The following ANKMY1 variants were observed in gnomAD, a reference collection of about 807,000 sequenced individuals.
ANKMY1 encodes ankyrin repeat and MYND domain-containing protein 1.
In ANKMY1, 98 loss-of-function variants were observed where a neutral mutation model predicts 102.0. That is an observed-to-expected ratio of 0.96 (90% CI 0.82 to 1.14). The LOEUF (loss-of-function observed/expected upper bound fraction) is 1.14. Ranked by LOEUF, ANKMY1 falls within the 50% of genes most tolerant of loss-of-function variation. The pLI, the probability that ANKMY1 is intolerant of heterozygous loss-of-function variation, is 0.00. For missense variants in ANKMY1, 1,330 were observed against 1,347.6 expected (o/e 0.99, Z 0.20); for synonymous variants, 582 against 559.9 (o/e 1.04, Z -0.56).
At chr2:240,513,797 A>T (rs986126270) in intron 9 of ANKMY1, among the ~76,000 whole-genome samples, 3 of 152,264 alleles carry the variant, frequency 2.0e-5, no homozygotes, top group African/African-American at 7.2e-5. Context: ...ACCTCCACAC[A>T]GCCCAACACC....
intron 12 of ANKMY1, 80 bp downstream of exon 12, chr2:240,509,268 C>T: frequency 8.4e-7 from 1 of 1,195,594 alleles, no homozygotes; most frequent in South Asian, 1.5e-5. Context: ...AACTTCAAAT[C>T]CCAATGACGG....
At chr2:240,501,718 C>A (rs747184524) in intron 13 of ANKMY1, among the ~76,000 whole-genome samples, 3 of 152,222 alleles carry the variant, frequency 2.0e-5, no homozygotes, top group African/African-American at 4.8e-5. Context: ...AGGCACAGTG[C>A]GGGACGGTGG....
At chr2:240,552,602 C>A in intron 4 of ANKMY1, 1 of 357,364 alleles carries the variant, frequency 2.8e-6, no homozygotes, top group Non-Finnish European at 5.3e-6. Context: ...GCATGTTCTC[C>A]ATTTAAAAAG....
chr2:240,473,210 T>C, the ANKMY1 span, among the ~76,000 whole-genome samples: 1 of 147,482 alleles, frequency 6.8e-6, no homozygotes, highest in African/African-American at 2.5e-5. Flanking sequence ...ATCTATAAAT[T>C]GCCTGACAAT....
upstream of ANKMY1, chr2:240,558,515 A>G (rs766372387): frequency 2.0e-5 from 3 of 152,382 alleles, no homozygotes; most frequent in Non-Finnish European, 4.4e-5. Context: ...CGGATTCTTG[A>G]TGGGGCTTCA....
intron 4 of ANKMY1, among the ~76,000 whole-genome samples, chr2:240,544,550 T>G (rs561455245): frequency 6.6e-6 from 1 of 152,260 alleles, no homozygotes; most frequent in Admixed American, 6.5e-5. Context: ...GCTCCGAGCA[T>G]AAGCGACGCA....
chr2:240,484,636 G>C (rs2075830121), intron 15 of ANKMY1, among the ~76,000 whole-genome samples: 1 of 152,170 alleles, frequency 6.6e-6, no homozygotes, highest in Non-Finnish European at 1.5e-5. Flanking sequence ...TCAGGACATA[G>C]GCATAGGCAA....
chr2:240,560,701 C>A (rs774218472), upstream of ANKMY1: 10 of 1,528,972 alleles, frequency 6.5e-6, 1 homozygote, highest in Admixed American at 2.1e-4. Context: ...CCGGCAGAAG[C>A]TGGGCGCCGC....
intron 3 of ANKMY1, chr2:240,553,367 T>C (rs2091863432): frequency 8.6e-6 from 3 of 348,926 alleles, no homozygotes; most frequent in Non-Finnish European, 1.1e-5. Flanking sequence ...CTGGTGACCT[T>C]GATCTTAGGT....
At position 240,499,423 on chromosome 2, in the gene ANKMY1, G is replaced by A. The variant is rs2077771908; in HGVS notation, c.2806+535C>T. ...TGGGGGTGGGGGTGACCAGGTGGGT[G>A]GGAGGTGGGTATGTGGGAGTGACTA... is the stretch of plus-strand genomic sequence containing the variant. On this transcript the variant is annotated intron_variant, in intron 15 of 17. Coordinates refer to ENST00000401804, the MANE Select transcript of ANKMY1 (RefSeq NM_001282771.3). The surrounding 1 kb of genome is among the most constrained non-coding windows in gnomAD (Gnocchi z 4.2). Among the ~76,000 whole-genome samples, 1 of 150,192 alleles carries A rather than the reference G, an allele frequency of 6.7e-6. No homozygotes were observed. The highest frequency in any genetic ancestry group is 2.5e-5 in the African/African-American group (1 of 40,686).
chr2:240,489,442 G>A (rs980030980), intron 15 of ANKMY1, among the ~76,000 whole-genome samples: 3 of 148,862 alleles, frequency 2.0e-5, no homozygotes, highest in African/African-American at 5.0e-5. Context: ...GGGCAACAGA[G>A]CAAGACTCTA....
chr2:240,521,167 C>T (rs1272097094), intron 8 of ANKMY1, among the ~76,000 whole-genome samples: 1 of 152,104 alleles, frequency 6.6e-6, no homozygotes, highest in Admixed American at 6.5e-5. Flanking sequence ...CAGATGGCAG[C>T]GGGAATGACC....
At chr2:240,549,689 TC>T (rs2091151452) in intron 4 of ANKMY1, among the ~76,000 whole-genome samples, 1 of 151,930 alleles carries the variant, frequency 6.6e-6, no homozygotes, top group Non-Finnish European at 1.5e-5. Context: ...AACAACCCCA[TC>T]AAAAAGTGGG....
Position 240,507,577 on chromosome 2 carries a change from C to T in ANKMY1, c.2509G>A (p.Asp837Asn), listed in dbSNP as rs749278929. ...DLTYEHQRNM[D>N]SKLALIDRLI... ...CCCCTCACCAGGGCCAGCTTGCTGT[C>T]CATGTTCCTCTGGTGCTCGTAGGTC... The change falls in exon 13 of 18, where the codon GAC becomes AAC. Residue 837 changes from aspartate to asparagine, a missense_variant. Transcript: ENST00000401804. 1 of 1,609,738 alleles carries T rather than the reference C, an allele frequency of 6.2e-7. No individual in the cohort carries two copies. The highest frequency in any genetic ancestry group is 8.5e-7 in the Non-Finnish European group (1 of 1,178,056).
intron 15 of ANKMY1, among the ~76,000 whole-genome samples, chr2:240,496,291 A>G (rs568351267): frequency 8.9e-4 from 135 of 152,272 alleles, no homozygotes; most frequent in African/African-American, 3.2e-3. Flanking sequence ...GTTTTTATCT[A>G]TCATTTCTCC....
intron 13 of ANKMY1, among the ~76,000 whole-genome samples, chr2:240,502,066 G>A (rs775174515): frequency 2.6e-5 from 4 of 152,194 alleles, no homozygotes; most frequent in Admixed American, 6.5e-5. Context: ...GTTGGTAAGC[G>A]AGGGCTGGGT....
chr2:240,552,449 C>T (rs1436091402), intron 4 of ANKMY1, among the ~76,000 whole-genome samples: 4 of 152,142 alleles, frequency 2.6e-5, no homozygotes, highest in African/African-American at 9.7e-5. Flanking sequence ...GGTGATGGAA[C>T]TGTTTGTATA....
At chr2:240,478,189 A>G (rs112742289), downstream of ANKMY1, among the ~76,000 whole-genome samples, 22 of 152,238 alleles carry the variant, frequency 1.4e-4, no homozygotes, top group African/African-American at 4.8e-4. Context: ...ACATGCCGCC[A>G]TGTTTCCTGT....
intron 4 of ANKMY1, 66 bp downstream of exon 4, chr2:240,552,848 T>TTTG (rs761594179): frequency 1.9e-6 from 3 of 1,609,328 alleles, no homozygotes; most frequent in Non-Finnish European, 2.5e-6. Context: ...GAAATATCTT[T>TTTG]TTGTCCAGTG....
Sources: gnomAD v4.1 joint callset for allele counts (sites outside exome capture counted in the v4.1 genomes callset) on GRCh38, gnomAD v4.1.1 for gene constraint, Gnocchi (gnomAD v3.1) non-coding constraint, MANE v1.5 for transcripts, NCBI Gene and HGNC (gene_info 2026-07-23, HGNC 2026-07-21) for gene names.